GTF2E1: variants seen among roughly 807,000 people sequenced by gnomAD.
GTF2E1 encodes the protein general transcription factor IIE subunit 1.
GTF2E1 carries 14 observed loss-of-function variants against 34.9 expected under a neutral mutation model. That is an observed-to-expected ratio of 0.40 (90% CI 0.27 to 0.63). The LOEUF (loss-of-function observed/expected upper bound fraction) is 0.63. GTF2E1 is among the 20% of genes least tolerant of loss of function. GTF2E1 has a pLI of 0.39. For missense variants in GTF2E1, 469 were observed against 557.7 expected (o/e 0.84, Z 1.60); for synonymous variants, 188 against 192.9 (o/e 0.97, Z 0.21).
chr3:120,775,154 G>A (rs1315811704), intron 3 of GTF2E1, among the ~76,000 whole-genome samples: 1 of 152,178 alleles, frequency 6.6e-6, no homozygotes, highest in African/African-American at 2.4e-5. Context: ...CAAGTGAAGA[G>A]TAAGGGAGTA....
intron 2 of GTF2E1, among the ~76,000 whole-genome samples, chr3:120,758,462 T>A (rs1404310657): frequency 6.6e-6 from 1 of 152,206 alleles, no homozygotes; most frequent in African/African-American, 2.4e-5. Flanking sequence ...GGGGTACATG[T>A]GCACAACGTA....
At chr3:120,769,149 T>C (rs1221261868) in intron 2 of GTF2E1, among the ~76,000 whole-genome samples, 1 of 152,094 alleles carries the variant, frequency 6.6e-6, no homozygotes, top group African/African-American at 2.4e-5. Context: ...TTAGTTGGCT[T>C]TTTACATATT....
intron 2 of GTF2E1, among the ~76,000 whole-genome samples, chr3:120,765,786 T>A (rs2107610266): frequency 6.6e-6 from 1 of 152,330 alleles, no homozygotes; most frequent in East Asian, 1.9e-4. Context: ...GGTTTCTGAG[T>A]ATAGCTTATC....
chr3:120,769,507 T>C (rs1030380773), intron 2 of GTF2E1, among the ~76,000 whole-genome samples: 2 of 152,088 alleles, frequency 1.3e-5, no homozygotes, highest in Non-Finnish European at 2.9e-5. Context: ...TGTGAAGAAG[T>C]GGGGATAATT....
Position 120,750,582 on chromosome 3 carries a change from TC to T in GTF2E1, c.32del (p.Pro11GlnfsTer4), listed in dbSNP as rs778517283. ...CAGACCCAGATGTCCTCACTGAAGT[TC>T]CAGCAGCATTGAAGCGGTTAGCCAA... MADPDVLTEVPAALKRLAKYV... is the reference protein window; with the variant it reads MADPDVLTEVXAALKRLAKYV... On this transcript the variant is annotated frameshift_variant, in exon 2 of 5. Coordinates refer to ENST00000283875, the MANE Select transcript of GTF2E1 (RefSeq NM_005513.3). LOFTEE classifies it high-confidence loss of function. The T allele has an allele frequency of 1.9e-6, 3 of 1,612,740 alleles. No homozygotes were observed. The highest frequency in any genetic ancestry group is 2.5e-6 in the Non-Finnish European group (3 of 1,178,752).
At chr3:120,764,693 G>A (rs966742113) in intron 2 of GTF2E1, among the ~76,000 whole-genome samples, 9 of 152,134 alleles carry the variant, frequency 5.9e-5, no homozygotes, top group South Asian at 4.1e-4. Flanking sequence ...CTAGTGTCAC[G>A]TATCTGTGTC....
chr3:120,777,840 C>T (rs1481230606), intron 4 of GTF2E1, among the ~76,000 whole-genome samples: 1 of 152,208 alleles, frequency 6.6e-6, no homozygotes, highest in Non-Finnish European at 1.5e-5. Context: ...ATTCTCTTGC[C>T]TCAGCCTCCT....
At chr3:120,746,191 G>A (rs1709103575) in intron 1 of GTF2E1, among the ~76,000 whole-genome samples, 1 of 152,106 alleles carries the variant, frequency 6.6e-6, no homozygotes, top group Non-Finnish European at 1.5e-5. Flanking sequence ...GATAACCACT[G>A]ATTTCAAATA....
intron 2 of GTF2E1, among the ~76,000 whole-genome samples, chr3:120,752,236 G>A (rs751901611): frequency 3.9e-5 from 6 of 152,194 alleles, no homozygotes; most frequent in Non-Finnish European, 7.4e-5. Context: ...TTATAAGAAA[G>A]TCTTAACCAT....
intron 1 of GTF2E1, among the ~76,000 whole-genome samples, chr3:120,747,490 T>C (rs974685855): frequency 1.3e-5 from 2 of 152,138 alleles, no homozygotes; most frequent in African/African-American, 4.8e-5. Flanking sequence ...GAGTGAGATA[T>C]ATGCGGTGTT....
intron 4 of GTF2E1, among the ~76,000 whole-genome samples, chr3:120,777,476 T>C (rs868220934): frequency 6.6e-6 from 1 of 152,164 alleles, no homozygotes; most frequent in Non-Finnish European, 1.5e-5. Context: ...AGTTTGGTGA[T>C]ATGTTAGTGC....
intron 4 of GTF2E1, among the ~76,000 whole-genome samples, chr3:120,780,525 G>A (rs1274499047): frequency 6.6e-6 from 1 of 152,178 alleles, no homozygotes; most frequent in Non-Finnish European, 1.5e-5. Flanking sequence ...GAATGAGCAG[G>A]GGAAAGAAGT....
At position 120,750,505 on chromosome 3, in the gene GTF2E1, G is replaced by GTT; in HGVS notation, c.-30-10_-30-9dup. The GTT allele has an allele frequency of 7.0e-7, 1 of 1,436,010 alleles. No homozygotes were observed. Among genetic ancestry groups the GTT allele is most frequent in the Non-Finnish European group, 9.6e-7 (1 of 1,040,702 alleles). The allele number at this position is 1,436,010 out of a possible 1,614,324, so 89.0% of individuals were successfully genotyped here. On this transcript the variant is annotated splice_polypyrimidine_tract_variant and intron_variant, in intron 1 of 4. Transcript: ENST00000283875. ...TGTTCTTATACCTGGCTAATTTTCT[G>GTT]TTTTTTTTTGAATTCAGTATATTTA...
intron 1 of GTF2E1, among the ~76,000 whole-genome samples, chr3:120,746,920 G>A (rs979802949): frequency 6.6e-6 from 1 of 152,154 alleles, no homozygotes; most frequent in African/African-American, 2.4e-5. Flanking sequence ...TCCTTCCTAA[G>A]CACTTTAATT....
At chr3:120,766,477 T>C (rs1242214777) in intron 2 of GTF2E1, among the ~76,000 whole-genome samples, 1 of 152,154 alleles carries the variant, frequency 6.6e-6, no homozygotes, top group Non-Finnish European at 1.5e-5. Context: ...TTTATCATTC[T>C]TTTTGATAAC....
intron 4 of GTF2E1, among the ~76,000 whole-genome samples, chr3:120,780,035 G>A (rs1709433440): frequency 6.6e-6 from 1 of 152,214 alleles, no homozygotes; most frequent in Non-Finnish European, 1.5e-5. Context: ...TGTGGTGAGA[G>A]AAGCTTCATT....
intron 2 of GTF2E1, among the ~76,000 whole-genome samples, chr3:120,767,964 G>A (rs1709322940): frequency 6.6e-6 from 1 of 152,026 alleles, no homozygotes; most frequent in African/African-American, 2.4e-5. Context: ...CCAAATAAAA[G>A]CACTGCTGTT....
In GTF2E1 at chr3:120,781,339, A is replaced by C. The variant is rs368841906; in HGVS notation, c.1189A>C (p.Met397Leu). Residue 397 changes from methionine to leucine, a missense_variant, in exon 5 of 5, where the codon ATG becomes CTG. Coordinates refer to ENST00000283875, the MANE Select transcript of GTF2E1 (RefSeq NM_005513.3). The part of the protein sequence containing the change: ...FEEVADDPIV[M>L]VAGRPFSYSE... ...AGAAGTAGCAGATGACCCCATTGTCATGGTGGCTGGCCGTCCGTTCTCCTA... is the reference window on the plus strand; with the variant it reads ...AGAAGTAGCAGATGACCCCATTGTCCTGGTGGCTGGCCGTCCGTTCTCCTA... The C allele has an allele frequency of 6.2e-7, 1 of 1,614,190 alleles. No homozygotes were observed. The highest frequency in any genetic ancestry group is 1.7e-5 in the Admixed American group (1 of 60,030).
At chr3:120,777,548 C>T (rs531654757) in intron 4 of GTF2E1, among the ~76,000 whole-genome samples, 17 of 152,160 alleles carry the variant, frequency 1.1e-4, no homozygotes, top group Non-Finnish European at 1.9e-4. Context: ...CCTCTTTTCC[C>T]TTCATAATTA....
Sources: gnomAD v4.1 joint callset for allele counts (sites outside exome capture counted in the v4.1 genomes callset) on GRCh38, gnomAD v4.1.1 for gene constraint, MANE v1.5 for transcripts, NCBI Gene and HGNC (gene_info 2026-07-23, HGNC 2026-07-21) for gene names.